Variants in SYT1 observed in about 807,000 individuals in gnomAD.
SYT1 encodes the protein synaptotagmin-1.
In SYT1, 8 loss-of-function variants were observed where a neutral mutation model predicts 44.8. That is an observed-to-expected ratio of 0.18 (90% confidence interval 0.10 to 0.32). The LOEUF (loss-of-function observed/expected upper bound fraction) is 0.32. SYT1 is among the 10% of genes least tolerant of loss of function. The pLI is 1.00. For missense variants in SYT1, 286 were observed against 509.3 expected (o/e 0.56, Z 4.22); for synonymous variants, 154 against 188.8 (o/e 0.82, Z 1.51).
At chr12:79,334,634 T>A (rs1470152390) in intron 8 of SYT1, among the ~76,000 whole-genome samples, 2 of 152,176 alleles carry the variant, frequency 1.3e-5, no homozygotes, top group Non-Finnish European at 2.9e-5. Flanking sequence ...CTTGTTCTAT[T>A]TCCTGCAACC....
intron 3 of SYT1, among the ~76,000 whole-genome samples, chr12:79,066,319 C>T: frequency 6.6e-6 from 1 of 152,114 alleles, no homozygotes; most frequent in South Asian, 2.1e-4. Context: ...TGGGGGCTCA[C>T]AGCTGCCTAT....
intron 4 of SYT1, among the ~76,000 whole-genome samples, chr12:79,276,065 C>G (rs879551816): frequency 1.3e-5 from 2 of 152,084 alleles, no homozygotes; most frequent in African/African-American, 2.4e-5. Context: ...AAAGCTCCAT[C>G]AAAATAAATT....
At chr12:79,157,261 T>A (rs1456985263) in intron 3 of SYT1, among the ~76,000 whole-genome samples, 1 of 152,098 alleles carries the variant, frequency 6.6e-6, no homozygotes, top group Non-Finnish European at 1.5e-5. Context: ...AAGCACCACA[T>A]CCTATAGGCA....
chr12:79,359,681 C>T (rs187477387), intron 9 of SYT1, among the ~76,000 whole-genome samples: 4 of 152,182 alleles, frequency 2.6e-5, no homozygotes, highest in Non-Finnish European at 4.4e-5. Context: ...TTACCCTGTC[C>T]CCCTCCCTCC....
chr12:78,939,357 T>C (rs1878232877), intron 1 of SYT1, among the ~76,000 whole-genome samples: 1 of 152,118 alleles, frequency 6.6e-6, no homozygotes, highest in Non-Finnish European at 1.5e-5. Flanking sequence ...AGGATTTAAG[T>C]TTATTGTTTT....
chr12:79,329,041 G>C (rs1201123668), intron 8 of SYT1, among the ~76,000 whole-genome samples: 1 of 152,084 alleles, frequency 6.6e-6, no homozygotes, highest in African/African-American at 2.4e-5. Flanking sequence ...TAGCAGCCAG[G>C]TATAACAAAC....
chr12:79,095,879 A>G (rs1011037854), intron 3 of SYT1, among the ~76,000 whole-genome samples: 1 of 151,952 alleles, frequency 6.6e-6, no homozygotes, highest in African/African-American at 2.4e-5. Context: ...TTAACAGGGT[A>G]AAAACACATA....
chr12:78,874,208 T>C (rs1396269145), intron 1 of SYT1, among the ~76,000 whole-genome samples: 1 of 151,566 alleles, frequency 6.6e-6, no homozygotes, highest in Non-Finnish European at 1.5e-5. Context: ...CTGAGCAACT[T>C]CCCAGGGTCA....
intron 3 of SYT1, among the ~76,000 whole-genome samples, chr12:79,116,050 CT>C (rs1202416305): frequency 7.2e-5 from 11 of 152,194 alleles, no homozygotes; most frequent in Admixed American, 6.5e-4. Context: ...CTGTCACTAA[CT>C]AGCTGGATGA....
At chr12:78,894,430 C>T (rs1875241984) in intron 1 of SYT1, among the ~76,000 whole-genome samples, 1 of 131,656 alleles carries the variant, frequency 7.6e-6, no homozygotes, top group South Asian at 2.4e-4. Context: ...GACTTGTACC[C>T]AAGCCTTATG....
intron 3 of SYT1, among the ~76,000 whole-genome samples, chr12:79,162,494 C>T (rs553115141): frequency 2.0e-5 from 3 of 152,072 alleles, no homozygotes; most frequent in Non-Finnish European, 4.4e-5. Flanking sequence ...TTCACTGTTC[C>T]TCTTAAAATA....
intron 2 of SYT1, among the ~76,000 whole-genome samples, chr12:78,986,193 TA>T (rs1439173680): frequency 1.3e-5 from 2 of 152,086 alleles, no homozygotes; most frequent in African/African-American, 2.4e-5. Flanking sequence ...GAAGATGATT[TA>T]TGTGCATAAA....
At chr12:79,216,749 CTAAT>C (rs1333378116) in intron 3 of SYT1, among the ~76,000 whole-genome samples, 1 of 151,872 alleles carries the variant, frequency 6.6e-6, no homozygotes, top group African/African-American at 2.4e-5. Context: ...ATAAAATATT[CTAAT>C]TAAATAAGCT....
At chr12:79,004,334 G>C (rs1028359714) in intron 2 of SYT1, among the ~76,000 whole-genome samples, 1 of 151,796 alleles carries the variant, frequency 6.6e-6, no homozygotes, top group Non-Finnish European at 1.5e-5. Context: ...AATTCTCACT[G>C]ACTTCTCTTA....
chr12:79,447,182 C>T (rs1870782716), intron 10 of SYT1, among the ~76,000 whole-genome samples: 3 of 152,050 alleles, frequency 2.0e-5, no homozygotes, highest in African/African-American at 7.2e-5. Context: ...CTGTATCCCT[C>T]TTTCTCTGCT....
At chr12:79,259,867 G>C (rs1943623989) in intron 4 of SYT1, among the ~76,000 whole-genome samples, 1 of 152,210 alleles carries the variant, frequency 6.6e-6, no homozygotes, top group South Asian at 2.1e-4. Flanking sequence ...TCCACAGCCA[G>C]AAAGAGCAAA....
At chr12:79,047,936 T>A (rs1333646341) in intron 3 of SYT1, among the ~76,000 whole-genome samples, 1 of 151,904 alleles carries the variant, frequency 6.6e-6, no homozygotes. Flanking sequence ...TTCCTAAATA[T>A]GTTCTCACTA....
intron 2 of SYT1, among the ~76,000 whole-genome samples, chr12:78,999,189 G>T (rs1428146855): frequency 6.6e-6 from 1 of 152,090 alleles, no homozygotes; most frequent in Non-Finnish European, 1.5e-5. Flanking sequence ...ATCTACATTA[G>T]CATCATTCAA....
chr12:79,272,233 G>A (rs1878467186), intron 4 of SYT1, among the ~76,000 whole-genome samples: 1 of 152,178 alleles, frequency 6.6e-6, no homozygotes, highest in Non-Finnish European at 1.5e-5. Context: ...GGAACAGTGA[G>A]AAATAAACAC....
Sources: allele counts gnomAD v4.1 joint callset (sites outside exome capture counted in the v4.1 genomes callset), GRCh38; gene constraint gnomAD v4.1.1; transcripts MANE v1.5; gene names NCBI Gene and HGNC (gene_info 2026-07-23, HGNC 2026-07-21).